SNX29: variants seen among roughly 807,000 people sequenced by gnomAD.
The protein encoded by SNX29 is sorting nexin 29, also known as sorting nexin-29.
Under a neutral mutation model 102.1 loss-of-function variants are expected in SNX29, and 78 were observed. That is an observed-to-expected ratio of 0.76 (90% confidence interval 0.64 to 0.92). The LOEUF is 0.92. Among genes scored for constraint, SNX29 ranks in the 40% least tolerant of loss-of-function variants. SNX29 has a pLI of 0.00. For synonymous variants in SNX29, 580 were observed against 414.5 expected (o/e 1.40, Z -4.85); for missense variants, 1,280 against 1,061.7 (o/e 1.21, Z -2.86).
chr16:12,420,669 A>G (rs999666566), intron 18 of SNX29, among the ~76,000 whole-genome samples: 2 of 152,230 alleles, frequency 1.3e-5, no homozygotes, highest in Admixed American at 6.5e-5. Flanking sequence ...CAGAGTTGAT[A>G]TAAGGATTAA....
rs1054611575 is a variant in SNX29 at position 12,570,084 on chromosome 16, T to G, written c.*1455T>G. 1.7e-5 allele frequency: 14 copies of G among 815,882 alleles called. No individual in the cohort carries two copies. Among genetic ancestry groups the G allele is most frequent in the Non-Finnish European group, 2.0e-5 (13 of 652,034 alleles). 50.5% of individuals were successfully genotyped at this position (815,882 alleles called of 1,614,324 possible). On this transcript the variant is annotated 3_prime_UTR_variant, in exon 21 of 21. Coordinates refer to ENST00000566228, the MANE Select transcript of SNX29 (RefSeq NM_032167.5). ...GGAGAATCATCTGGAAGGTTTATACTGTGCCTTCCCCTCGTAGCAAAAAGG... is the reference window on the plus strand; with the variant it reads ...GGAGAATCATCTGGAAGGTTTATACGGTGCCTTCCCCTCGTAGCAAAAAGG...
At chr16:12,559,613 G>A (rs1237381790) in intron 20 of SNX29, among the ~76,000 whole-genome samples, 4 of 151,908 alleles carry the variant, frequency 2.6e-5, no homozygotes, top group South Asian at 2.1e-4. Flanking sequence ...CTGCTGCCAC[G>A]TGACCTTGCA....
At chr16:12,494,987 T>A (rs986029634) in intron 19 of SNX29, among the ~76,000 whole-genome samples, 28 of 152,194 alleles carry the variant, frequency 1.8e-4, no homozygotes, top group Admixed American at 1.6e-3. Context: ...ATCTCGTCAG[T>A]ATCCCTGGGG....
chr16:11,991,210 A>T (rs1028123637), intron 1 of SNX29, among the ~76,000 whole-genome samples: 2 of 152,228 alleles, frequency 1.3e-5, no homozygotes, highest in African/African-American at 2.4e-5. Context: ...ATCACATAAC[A>T]TCATTGTGTG....
chr16:12,269,530 A>G (rs1474939183), intron 14 of SNX29, among the ~76,000 whole-genome samples: 3 of 152,122 alleles, frequency 2.0e-5, no homozygotes, highest in African/African-American at 7.2e-5. Context: ...TAAGTTTCTG[A>G]TTGAACATGG....
chr16:12,450,214 T>C (rs1296105470), intron 18 of SNX29, among the ~76,000 whole-genome samples: 1 of 152,216 alleles, frequency 6.6e-6, no homozygotes, highest in Non-Finnish European at 1.5e-5. Context: ...AGTCTCAGTA[T>C]GTCCTTATTA....
chr16:12,537,284 G>A (rs2077119267), intron 20 of SNX29, among the ~76,000 whole-genome samples: 1 of 152,216 alleles, frequency 6.6e-6, no homozygotes, highest in Non-Finnish European at 1.5e-5. Flanking sequence ...ACTGGTTAGT[G>A]TGGTACATGT....
chr16:12,546,787 T>A (rs540151414), intron 20 of SNX29: 1 of 149,614 alleles, frequency 6.7e-6, no homozygotes, highest in East Asian at 2.0e-4. Context: ...CAAAGGAAAT[T>A]TTAAATACAG....
At chr16:12,296,001 T>G (rs1234787318) in intron 15 of SNX29, among the ~76,000 whole-genome samples, 1 of 152,270 alleles carries the variant, frequency 6.6e-6, no homozygotes, top group Admixed American at 6.5e-5. Flanking sequence ...ACCCAGTTCC[T>G]ACTATGTAAT....
chr16:12,560,941 C>T (rs527604175), intron 20 of SNX29: 62 of 207,936 alleles, frequency 3.0e-4, no homozygotes, highest in African/African-American at 9.5e-4. Flanking sequence ...TGTTGGGATC[C>T]GGAGAACCAG....
At chr16:12,229,967 T>A (rs1288460326) in intron 14 of SNX29, among the ~76,000 whole-genome samples, 3 of 152,238 alleles carry the variant, frequency 2.0e-5, no homozygotes, top group African/African-American at 7.2e-5. Flanking sequence ...TATTTTTGGC[T>A]TTGTTGTCCA....
At position 12,527,826 on chromosome 16, in the gene SNX29, C is replaced by CT. The variant is rs767257136; in HGVS notation, c.2318+3001dup. On this transcript the variant is annotated intron_variant, in intron 20 of 20. Transcript: ENST00000566228. Reference sequence around the variant, plus strand: ...TTTGTTATTTATTTTTCTTCTTCTTCTTTTTTTTTTTTTTTTGAGATGAAG... The same window carrying CT: ...TTTGTTATTTATTTTTCTTCTTCTTCTTTTTTTTTTTTTTTTTGAGATGAAG... Among the ~76,000 whole-genome samples, 1,064 of 138,372 alleles carry CT rather than the reference C, an allele frequency of 7.7e-3. 11 individuals are homozygous for CT. Among genetic ancestry groups the CT allele is most frequent in the South Asian group, 0.02 (90 of 4,416 alleles). The allele number at this position is 138,372 out of a possible 152,430, so 90.8% of individuals were successfully genotyped here. A position where few individuals can be genotyped will look rare whatever the true frequency, so the allele number is the denominator to read the frequency against.
In SNX29 at chr16:12,240,585, C is replaced by CTTTTTTTTTTTTTTTTTTT. The variant is rs1180028807; in HGVS notation, c.1679-37339_1679-37321dup. Among the ~76,000 whole-genome samples, 23 of 64,788 alleles carry CTTTTTTTTTTTTTTTTTTT rather than the reference C, an allele frequency of 3.6e-4. 8 individuals are homozygous for CTTTTTTTTTTTTTTTTTTT. The highest frequency in any genetic ancestry group is 1.2e-3 in the Admixed American group (5 of 4,278). The allele number at this position is 64,788 out of a possible 152,430, so 42.5% of individuals were successfully genotyped here. A position where few individuals can be genotyped will look rare whatever the true frequency, so the allele number is the denominator to read the frequency against. On this transcript the variant is annotated intron_variant, in intron 14 of 20. Coordinates refer to ENST00000566228, the MANE Select transcript of SNX29 (RefSeq NM_032167.5). ...ATAAAATAGCATTTCTTTGTCATTT[C>CTTTTTTTTTTTTTTTTTTT]TTTTTTTTTTTTTTTTTTTTTTTTT... is the stretch of plus-strand genomic sequence containing the variant.
chr16:12,239,425 C>T (rs994217479), intron 14 of SNX29, among the ~76,000 whole-genome samples: 1 of 152,024 alleles, frequency 6.6e-6, no homozygotes, highest in Non-Finnish European at 1.5e-5. Flanking sequence ...TCCTTGAGGA[C>T]AGGAGTATTT....
At chr16:12,286,709 A>G (rs2079610846) in intron 15 of SNX29, among the ~76,000 whole-genome samples, 1 of 152,098 alleles carries the variant, frequency 6.6e-6, no homozygotes, top group Non-Finnish European at 1.5e-5. Context: ...TAAAAGTGTA[A>G]TGAGCCTCTA....
chr16:12,435,467 G>A (rs1019257510), intron 18 of SNX29, among the ~76,000 whole-genome samples: 1 of 152,174 alleles, frequency 6.6e-6, no homozygotes, highest in Admixed American at 6.5e-5. Context: ...AGGCGGGTAC[G>A]AGGCTCTGAG....
At chr16:11,999,457 A>AGGTATAAAGTGGGAGTTAGT in intron 2 of SNX29, 99 bp downstream of exon 2, 1 of 1,141,924 alleles carries the variant, frequency 8.8e-7, no homozygotes, top group Non-Finnish European at 1.3e-6. Context: ...ACTAACTCCC[A>AGGTATAAAGTGGGAGTTAGT]CTTTATACCT....
intron 18 of SNX29, among the ~76,000 whole-genome samples, chr16:12,430,325 G>C (rs2085258783): frequency 6.6e-6 from 1 of 152,220 alleles, no homozygotes; most frequent in South Asian, 2.1e-4. Context: ...CCAACTTGGA[G>C]GGTGGTTGTG....
At chr16:12,385,507 G>T (rs1363775002) in intron 16 of SNX29, among the ~76,000 whole-genome samples, 1 of 152,188 alleles carries the variant, frequency 6.6e-6, no homozygotes, top group African/African-American at 2.4e-5. Flanking sequence ...GTGAAGGAAG[G>T]AGGAGGCCAG....
Sources: gnomAD v4.1 joint callset for allele counts (sites outside exome capture counted in the v4.1 genomes callset) on GRCh38, gnomAD v4.1.1 for gene constraint, MANE v1.5 for transcripts, NCBI Gene and HGNC (gene_info 2026-07-23, HGNC 2026-07-21) for gene names.